The following GABBR2 variants were observed in gnomAD, a reference collection of about 807,000 sequenced individuals.
GABBR2 encodes gamma-aminobutyric acid type B receptor subunit 2, also known as G-protein coupled receptor 51.
GABBR2 carries 23 observed loss-of-function variants against 105.6 expected under a neutral mutation model. That is an observed-to-expected ratio of 0.22 (90% CI 0.16 to 0.31). The LOEUF (loss-of-function observed/expected upper bound fraction) is 0.31, where lower values mean the gene tolerates loss of function less well. Ranked by LOEUF, GABBR2 falls within the 10% of genes least tolerant of loss-of-function variation. The pLI is 1.00. For missense variants in GABBR2, 734 were observed against 1,245.5 expected, an observed-to-expected ratio of 0.59 and a Z score of 6.18; for synonymous variants, 478 against 499.7, an observed-to-expected ratio of 0.96 and a Z score of 0.58.
At chr9:98,406,802 C>T (rs1190398794) in intron 7 of GABBR2, among the ~76,000 whole-genome samples, 1 of 152,160 alleles carries the variant, frequency 6.6e-6, no homozygotes, top group Non-Finnish European at 1.5e-5. Flanking sequence ...CTGCATCTGC[C>T]CTGCTGGCTT....
chr9:98,378,676 A>T (rs967847724), intron 11 of GABBR2, among the ~76,000 whole-genome samples: 1 of 152,154 alleles, frequency 6.6e-6, no homozygotes, highest in South Asian at 2.1e-4. Flanking sequence ...GGCTCAGTGC[A>T]CACTGAGTAG....
intron 3 of GABBR2, among the ~76,000 whole-genome samples, chr9:98,530,348 G>A (rs1172680614): frequency 6.6e-6 from 1 of 152,198 alleles, no homozygotes; most frequent in East Asian, 1.9e-4. Context: ...GGACTTGGGG[G>A]GATATTGGCC....
chr9:98,672,212 T>C (rs531111645), intron 1 of GABBR2, among the ~76,000 whole-genome samples: 2 of 152,212 alleles, frequency 1.3e-5, no homozygotes, highest in South Asian at 4.2e-4. Context: ...CAACTCCCTA[T>C]TTCCCCTCTC....
intron 7 of GABBR2, among the ~76,000 whole-genome samples, chr9:98,453,017 A>C (rs1826258519): frequency 6.6e-6 from 1 of 152,108 alleles, no homozygotes; most frequent in African/African-American, 2.4e-5. Flanking sequence ...TGCGCAGTCA[A>C]CTTTCTATGC....
intron 3 of GABBR2, among the ~76,000 whole-genome samples, chr9:98,503,323 G>A (rs578130155): frequency 3.0e-4 from 45 of 152,348 alleles, no homozygotes; most frequent in African/African-American, 1.0e-3. Context: ...TGAGAAAGAG[G>A]TGGGTGAGGG....
intron 1 of GABBR2, among the ~76,000 whole-genome samples, chr9:98,672,106 A>G (rs911599545): frequency 1.3e-5 from 2 of 152,210 alleles, no homozygotes; most frequent in Non-Finnish European, 2.9e-5. Context: ...TTTAAAATGC[A>G]CAGTTCAGTA....
intron 11 of GABBR2, among the ~76,000 whole-genome samples, chr9:98,377,817 C>A (rs1467135254): frequency 6.6e-6 from 1 of 152,106 alleles, no homozygotes; most frequent in Non-Finnish European, 1.5e-5. Flanking sequence ...GCATCTGTAC[C>A]CCATCCAGGA....
intron 1 of GABBR2, among the ~76,000 whole-genome samples, chr9:98,690,714 C>T (rs1312117403): frequency 6.6e-6 from 1 of 152,202 alleles, no homozygotes; most frequent in African/African-American, 2.4e-5. Context: ...AAACCCAGGA[C>T]TTAGCCCATC....
At position 98,299,351 on chromosome 9, in the gene GABBR2, C is replaced by T. The variant is rs1830432008; in HGVS notation, c.2415G>A (p.Leu805=). The change falls in exon 17 of 19, where the codon CTG becomes CTA. Residue 805 remains leucine, a splice_region_variant and synonymous_variant. Transcript: ENST00000259455. Reference sequence around the variant, plus strand: ...TGGTGACCTCTTCCAAGTCTTTATCCAGCTACAAGACAAAGGTTCCAGTTG... The same window carrying T: ...TGGTGACCTCTTCCAAGTCTTTATCTAGCTACAAGACAAAGGTTCCAGTTG... ...NHRLRMKITE[L]DKDLEEVTMQ... 1.2e-6 allele frequency: 2 copies of T among 1,613,982 alleles called. No homozygotes were observed. The highest frequency in any genetic ancestry group is 1.7e-6 in the Non-Finnish European group (2 of 1,180,004).
intron 1 of GABBR2, among the ~76,000 whole-genome samples, chr9:98,646,479 T>G (rs1350791228): frequency 1.3e-5 from 2 of 152,216 alleles, no homozygotes; most frequent in African/African-American, 4.8e-5. Context: ...GCCTATTCCC[T>G]TTGCGGATTC....
intron 6 of GABBR2, among the ~76,000 whole-genome samples, chr9:98,472,641 C>A (rs1382957634): frequency 6.6e-6 from 1 of 152,190 alleles, no homozygotes; most frequent in Non-Finnish European, 1.5e-5. Context: ...TATATCCACA[C>A]AGATATAGAA....
chr9:98,312,819 C>T (rs564971147), intron 13 of GABBR2, among the ~76,000 whole-genome samples: 10 of 152,166 alleles, frequency 6.6e-5, no homozygotes, highest in African/African-American at 2.2e-4. Context: ...TCGTGATCTC[C>T]GCTCACTGCA....
At chr9:98,522,938 C>G (rs1484598294) in intron 3 of GABBR2, among the ~76,000 whole-genome samples, 1 of 152,110 alleles carries the variant, frequency 6.6e-6, no homozygotes, top group African/African-American at 2.4e-5. Context: ...GGAGAGTAAA[C>G]AAGTGTACTG....
chr9:98,663,359 C>G (rs923134792), intron 1 of GABBR2, among the ~76,000 whole-genome samples: 1 of 152,116 alleles, frequency 6.6e-6, no homozygotes, highest in Non-Finnish European at 1.5e-5. Context: ...TGGCAGAAAA[C>G]TCTGTTACAG....
intron 13 of GABBR2, among the ~76,000 whole-genome samples, chr9:98,322,682 A>C (rs1830845405): frequency 6.7e-6 from 1 of 149,150 alleles, no homozygotes; most frequent in African/African-American, 2.5e-5. Context: ...TCCTCCTATG[A>C]CACAGTCCAT....
intron 2 of GABBR2, among the ~76,000 whole-genome samples, chr9:98,575,799 G>C (rs1044719562): frequency 1.3e-5 from 2 of 152,112 alleles, no homozygotes; most frequent in African/African-American, 2.4e-5. Flanking sequence ...TGCTTTTCTG[G>C]TCTCCTCTTC....
At chr9:98,470,086 G>C (rs903892526) in intron 6 of GABBR2, among the ~76,000 whole-genome samples, 16 of 152,188 alleles carry the variant, frequency 1.1e-4, no homozygotes, top group Non-Finnish European at 2.2e-4. Flanking sequence ...CCTCTAGAGA[G>C]AATGTTCAAC....
At chr9:98,413,492 C>T (rs1405652711) in intron 7 of GABBR2, among the ~76,000 whole-genome samples, 2 of 151,934 alleles carry the variant, frequency 1.3e-5, no homozygotes, top group Non-Finnish European at 2.9e-5. Flanking sequence ...TAGAAGAGGC[C>T]ACATTTTGTA....
intron 18 of GABBR2, 77 bp from the exon 19 acceptor site, chr9:98,290,826 G>T (rs1042481002): frequency 7.0e-6 from 7 of 994,880 alleles, no homozygotes; most frequent in Non-Finnish European, 9.7e-6. Context: ...ACTTGCTTTG[G>T]CTAAAAAAGC....
Sources: gnomAD v4.1 joint callset for allele counts (sites outside exome capture counted in the v4.1 genomes callset) on GRCh38, gnomAD v4.1.1 for gene constraint, MANE v1.5 for transcripts, NCBI Gene and HGNC (gene_info 2026-07-23, HGNC 2026-07-21) for gene names.